BYSL: variants seen among roughly 807,000 people sequenced by gnomAD.
BYSL encodes the protein bystin.
Under a neutral mutation model 45.4 loss-of-function variants are expected in BYSL, and 21 were observed. The observed-to-expected ratio is 0.46, with a 90% CI of 0.33 to 0.67. The LOEUF (loss-of-function observed/expected upper bound fraction) is 0.67. Ranked by LOEUF, BYSL falls within the 30% of genes least tolerant of loss-of-function variation. The probability of loss-of-function intolerance (pLI) is 0.02; values close to 1 mark genes in which losing one functional copy is unlikely to be tolerated. For synonymous variants in BYSL, 215 were observed against 231.3 expected, an observed-to-expected ratio of 0.93 and a Z score of 0.64; for missense variants, 522 against 578.5, an observed-to-expected ratio of 0.90 and a Z score of 1.00.
At chr6:41,909,406 C>T in the BYSL span, 32 of 1,614,100 alleles carry the variant, frequency 2.0e-5, no homozygotes, top group African/African-American at 2.7e-5. Flanking sequence ...TTGAGCTTCA[C>T]CATAAGCACA....
At chr6:41,912,362 T>C in the BYSL span, among the ~76,000 whole-genome samples, 1 of 146,612 alleles carries the variant, frequency 6.8e-6, no homozygotes, top group African/African-American at 2.5e-5. Context: ...CTTTTTTTTT[T>C]TTTTTTTTTT....
chr6:41,930,008 A>G, intron 2 of BYSL, 124 bp from the exon 3 acceptor site: 5 of 1,290,462 alleles, frequency 3.9e-6, no homozygotes, highest in Non-Finnish European at 5.4e-6. Flanking sequence ...TAAGCTGCAT[A>G]TCCCAGCAGG....
intron 6 of BYSL, 78 bp downstream of exon 6, chr6:41,931,908 G>A: frequency 7.4e-7 from 1 of 1,360,086 alleles, no homozygotes; most frequent in Non-Finnish European, 1.1e-6. Context: ...GGAATGGGCA[G>A]AGTGGAGAAG....
intron 1 of BYSL, among the ~76,000 whole-genome samples, chr6:41,923,963 A>G (rs1418274762): frequency 2.6e-5 from 4 of 151,964 alleles, no homozygotes. Flanking sequence ...TTGTAGGGTT[A>G]CTTTCTCAGA....
chr6:41,909,080 G>A, the BYSL span: 21 of 715,798 alleles, frequency 2.9e-5, no homozygotes, highest in South Asian at 1.2e-4. Flanking sequence ...AGACTGAGGC[G>A]GAAGGATCAC....
intron 6 of BYSL, 21 bp downstream of exon 6, chr6:41,931,851 A>G: frequency 6.3e-7 from 1 of 1,598,472 alleles, no homozygotes; most frequent in East Asian, 2.2e-5. Flanking sequence ...TGGGGGTGGA[A>G]GGGGGCTGGT....
chr6:41,930,778 CT>C lies in BYSL; in HGVS notation c.704+11del. On this transcript the variant is annotated intron_variant, in intron 4 of 6. Transcript: ENST00000230340. ...TGTACCAGGCCACCAGGTAGAGTAG[CT>C]GGGGGTTCGGGGGCCTTGGGTTTAT... The C allele has an allele frequency of 6.2e-7, 1 of 1,609,566 alleles. No homozygotes were observed. Among genetic ancestry groups the C allele is most frequent in the Non-Finnish European group, 8.5e-7 (1 of 1,178,538 alleles).
At chr6:41,924,299 G>A (rs1775534103) in intron 1 of BYSL, among the ~76,000 whole-genome samples, 1 of 151,444 alleles carries the variant, frequency 6.6e-6, no homozygotes, top group Non-Finnish European at 1.5e-5. Flanking sequence ...TCAAACTCCT[G>A]ACCTCAGGTG....
upstream of BYSL, chr6:41,917,721 G>C (rs1260901415): frequency 8.6e-6 from 4 of 467,788 alleles, no homozygotes; most frequent in Non-Finnish European, 1.8e-5. Context: ...AATGAAAAAG[G>C]GATTCCTTTT....
chr6:41,923,960 G>T (rs982153727), intron 1 of BYSL, among the ~76,000 whole-genome samples: 2 of 151,934 alleles, frequency 1.3e-5, no homozygotes, highest in African/African-American at 4.8e-5. Context: ...CACTTGTAGG[G>T]TTACTTTCTC....
the BYSL span, among the ~76,000 whole-genome samples, chr6:41,912,197 A>AC: frequency 9.4e-6 from 1 of 106,238 alleles, no homozygotes; most frequent in South Asian, 2.9e-4. Context: ...CACCATGCCC[A>AC]CCTTTTTTTT....
At chr6:41,931,667 C>T (rs1775641628) in intron 5 of BYSL, 61 bp from the exon 6 acceptor site, 1 of 1,604,764 alleles carries the variant, frequency 6.2e-7, no homozygotes, top group Middle Eastern at 1.7e-4. Context: ...GGGAATGCTT[C>T]CTGCTGTAAC....
rs146895462 is a variant in BYSL, at chr6:41,927,607, C to CT, written c.431+73dup. 1,389 of 1,570,602 alleles carry CT rather than the reference C, an allele frequency of 8.8e-4. 9 individuals carry two copies. The African/African-American group carries it at 0.016, about 18-fold the overall frequency. ...ACAGGAAAACAAGTTCCCTGGCAGACTTATGATTCCCTACCTTTGGAAAGG... is the reference window on the plus strand; with the variant it reads ...ACAGGAAAACAAGTTCCCTGGCAGACTTTATGATTCCCTACCTTTGGAAAGG... On this transcript the variant is annotated intron_variant, in intron 2 of 6. Coordinates refer to ENST00000230340, the MANE Select transcript of BYSL (RefSeq NM_004053.4).
upstream of BYSL, chr6:41,921,342 C>T (rs1775462248): frequency 3.9e-5 from 25 of 635,778 alleles, no homozygotes; most frequent in South Asian, 5.3e-4. Flanking sequence ...TTGAGAGAAG[C>T]TAACGTTAAA....
upstream of BYSL, chr6:41,921,218 A>T (rs1210250442): frequency 2.9e-6 from 2 of 698,314 alleles, no homozygotes; most frequent in Admixed American, 3.1e-5. Flanking sequence ...GCCTCCACTG[A>T]CATCATCTGC....
the BYSL span, among the ~76,000 whole-genome samples, chr6:41,914,330 T>C: frequency 2.5e-3 from 375 of 152,324 alleles, 3 homozygotes; most frequent in African/African-American, 8.5e-3. Flanking sequence ...CATCCTCTAA[T>C]CTTCTCTGGT....
At chr6:41,920,879 C>G, upstream of BYSL, 3 of 1,220,940 alleles carry the variant, frequency 2.5e-6, no homozygotes, top group South Asian at 4.1e-5. Flanking sequence ...CGGACGGCAT[C>G]CTCTCATCTA....
At chr6:41,921,205 G>A (rs1775458612), upstream of BYSL, 2 of 749,686 alleles carry the variant, frequency 2.7e-6, no homozygotes, top group Middle Eastern at 2.7e-4. Context: ...ACCCCTCGGT[G>A]ACGCCTCCAC....
chr6:41,909,282 C>A, the BYSL span: 2 of 1,614,112 alleles, frequency 1.2e-6, no homozygotes, highest in Non-Finnish European at 1.7e-6. Context: ...CACAGAGATG[C>A]CCCGGGCACT....
Sources: allele counts gnomAD v4.1 joint callset (sites outside exome capture counted in the v4.1 genomes callset), GRCh38; gene constraint gnomAD v4.1.1; transcripts MANE v1.5; gene names NCBI Gene and HGNC (gene_info 2026-07-23, HGNC 2026-07-21).